The following MYRIP variants were observed in gnomAD, a reference collection of about 807,000 sequenced individuals.
MYRIP encodes the protein rab effector MyRIP.
A neutral mutation model predicts 98.0 loss-of-function variants in MYRIP; 49 were observed. The observed-to-expected ratio is 0.50, with a 90% CI of 0.40 to 0.63. The LOEUF (loss-of-function observed/expected upper bound fraction) is 0.63, where lower values mean the gene tolerates loss of function less well. Among genes scored for constraint, MYRIP ranks in the 30% least tolerant of loss-of-function variants. MYRIP has a pLI of 0.00. For synonymous variants in MYRIP, 404 were observed against 409.5 expected, an observed-to-expected ratio of 0.99 and a Z score of 0.16; for missense variants, 1,004 against 1,058.2, an observed-to-expected ratio of 0.95 and a Z score of 0.71.
Position 40,167,041 on chromosome 3 carries a change from A to G in MYRIP, c.648+98A>G, listed in dbSNP as rs577969587. The G allele has an allele frequency of 8.9e-6, 12 of 1,353,560 alleles. No homozygotes were observed. In the Admixed American group the frequency reaches 1.0e-4, roughly 11 times the overall value. 83.8% of individuals were successfully genotyped at this position (1,353,560 alleles called of 1,614,324 possible). A position where few individuals can be genotyped will look rare whatever the true frequency, so the allele number is the denominator to read the frequency against. On this transcript the variant is annotated intron_variant, in intron 6 of 16. Coordinates refer to ENST00000302541, the MANE Select transcript of MYRIP (RefSeq NM_015460.4). ...GTTGTCAGGAAATCAATGTCCCAGC[A>G]GCTCTGACTAGAGCAAGGCCCTCCC...
chr3:39,917,785 A>G (rs1289588587), intron 2 of MYRIP, among the ~76,000 whole-genome samples: 1 of 152,190 alleles, frequency 6.6e-6, no homozygotes, highest in Non-Finnish European at 1.5e-5. Context: ...TTCTCATGAA[A>G]AGATCTTCTT....
At chr3:40,146,107 T>C (rs924321056) in intron 3 of MYRIP, among the ~76,000 whole-genome samples, 1 of 152,192 alleles carries the variant, frequency 6.6e-6, no homozygotes, top group Non-Finnish European at 1.5e-5. Flanking sequence ...ATTGTTGTAA[T>C]TACTTAATCA....
Position 40,182,275 on chromosome 3 carries a change from T to G in MYRIP, c.929T>G (p.Val310Gly). 6.2e-7 allele frequency: 1 copy of G among 1,613,958 alleles called. No individual in the cohort carries two copies. The highest frequency in any genetic ancestry group is 1.1e-5 in the South Asian group (1 of 91,022). The change falls in exon 9 of 17, where the codon GTG becomes GGG. Residue 310 changes from valine to glycine, a missense_variant. Around this residue, in one of 3 missense-constraint regions of MYRIP, gnomAD observed 880 missense variants for 907.7 expected, o/e 0.97. Coordinates refer to ENST00000302541, the MANE Select transcript of MYRIP (RefSeq NM_015460.4). ...TGEEALKTPP[V>G]EAPSRQPRDQ... Reference sequence around the variant, plus strand: ...GAAGAAGCCCTGAAGACCCCTCCAGTGGAGGCTCCATCGAGGCAGCCAAGG... The same window carrying G: ...GAAGAAGCCCTGAAGACCCCTCCAGGGGAGGCTCCATCGAGGCAGCCAAGG...
chr3:40,236,016 G>C (rs1435669964), intron 12 of MYRIP, among the ~76,000 whole-genome samples: 3 of 152,166 alleles, frequency 2.0e-5, no homozygotes, highest in Non-Finnish European at 4.4e-5. Context: ...ACTCCTAAAA[G>C]CTATTCGCAA....
chr3:40,213,995 G>A (rs779075003), intron 11 of MYRIP, among the ~76,000 whole-genome samples: 2 of 152,012 alleles, frequency 1.3e-5, no homozygotes, highest in Admixed American at 1.3e-4. Flanking sequence ...TACATGATAC[G>A]GCAGTCTTCT....
intron 3 of MYRIP, among the ~76,000 whole-genome samples, chr3:40,135,915 A>G (rs1430208233): frequency 2.0e-5 from 3 of 152,206 alleles, no homozygotes; most frequent in African/African-American, 4.8e-5. Context: ...ACCGATACCA[A>G]CCACTGCAAA....
chr3:40,235,563 G>A (rs2125702274), intron 12 of MYRIP, among the ~76,000 whole-genome samples: 1 of 152,314 alleles, frequency 6.6e-6, no homozygotes, highest in Non-Finnish European at 1.5e-5. Context: ...GAGAAAGAAA[G>A]GAAATAAAAC....
At chr3:39,994,170 G>A (rs1946270945) in intron 2 of MYRIP, among the ~76,000 whole-genome samples, 1 of 152,248 alleles carries the variant, frequency 6.6e-6, no homozygotes, top group South Asian at 2.1e-4. Context: ...TCATCTCACT[G>A]GGGAGTGTCG....
chr3:39,927,347 G>C (rs9836964), intron 2 of MYRIP, among the ~76,000 whole-genome samples: 56,159 of 151,696 alleles, frequency 0.37, 10,703 homozygotes, highest in East Asian at 0.46. Flanking sequence ...TCTGGCTAGG[G>C]CTTCTAGTAC....
rs149756906 is a variant in MYRIP at position 39,866,232 on chromosome 3, A to G, written c.-30-34555A>G. On this transcript the variant is annotated intron_variant, in intron 1 of 16. Transcript: ENST00000302541. ...TAAAAAAAAAATCTAGCTATCAAGT[A>G]CTGTGCTGATTACCTGGGTGGTGAA... Among the ~76,000 whole-genome samples the G allele has an allele frequency of 2.0e-3, 297 of 152,268 alleles. 1 individual carries two copies. The highest frequency in any genetic ancestry group is 6.4e-3 in the African/African-American group (268 of 41,558).
At chr3:40,052,740 A>G (rs1947816890) in intron 3 of MYRIP, among the ~76,000 whole-genome samples, 1 of 152,208 alleles carries the variant, frequency 6.6e-6, no homozygotes, top group Non-Finnish European at 1.5e-5. Flanking sequence ...ATTATTTGTA[A>G]TATAAAGAAT....
In MYRIP at chr3:40,135,642, G is replaced by A. The variant is rs576792818; in HGVS notation, c.333-15406G>A. The stretch of plus-strand genomic sequence containing the variant: ...TAAGGGCAGCCAGAGAGAAAGGTCG[G>A]GTTACCCACAAAGGGAAGCCCATCA... On this transcript the variant is annotated intron_variant, in intron 3 of 16. Transcript: ENST00000302541. 4.6e-5 allele frequency among the ~76,000 whole-genome samples: 7 copies of A among 152,270 alleles called. No homozygotes were observed. In the East Asian group the frequency reaches 9.7e-4, roughly 21 times the overall value.
chr3:40,094,070 A>G (rs1004639157), intron 3 of MYRIP, among the ~76,000 whole-genome samples: 4 of 151,528 alleles, frequency 2.6e-5, no homozygotes, highest in African/African-American at 9.7e-5. Context: ...ACATGTCCCA[A>G]TTTTATTCTG....
chr3:39,979,244 T>C (rs999335061), intron 2 of MYRIP, among the ~76,000 whole-genome samples: 2 of 152,164 alleles, frequency 1.3e-5, no homozygotes, highest in Non-Finnish European at 2.9e-5. Context: ...CTCAGCCTCC[T>C]GAATAGCTGG....
At chr3:39,889,084 C>G (rs1411515237) in intron 1 of MYRIP, among the ~76,000 whole-genome samples, 1 of 151,932 alleles carries the variant, frequency 6.6e-6, no homozygotes, top group Non-Finnish European at 1.5e-5. Context: ...GTTGGTGGGA[C>G]TGTAAACTAG....
chr3:40,100,273 A>T (rs1948920086), intron 3 of MYRIP: 1 of 985,074 alleles, frequency 1.0e-6, no homozygotes, highest in East Asian at 1.1e-4. Context: ...ATTAAGCAAC[A>T]TTGACTTGTC....
intron 1 of MYRIP, among the ~76,000 whole-genome samples, chr3:39,875,036 T>C (rs1159790659): frequency 6.6e-6 from 1 of 152,210 alleles, no homozygotes; most frequent in Non-Finnish European, 1.5e-5. Context: ...ATTGGTCTAT[T>C]CAGAGATTCA....
chr3:40,075,660 T>A (rs1432776320), intron 3 of MYRIP, among the ~76,000 whole-genome samples: 1 of 152,308 alleles, frequency 6.6e-6, no homozygotes, highest in East Asian at 1.9e-4. Context: ...TCAGTAAATA[T>A]TAATTATTAT....
At chr3:40,160,647 C>T (rs1182241600) in intron 4 of MYRIP, among the ~76,000 whole-genome samples, 2 of 152,218 alleles carry the variant, frequency 1.3e-5, no homozygotes, top group African/African-American at 2.4e-5. Flanking sequence ...ATCAGCGAGA[C>T]TCCGTGGGCG....
Sources: allele counts gnomAD v4.1 joint callset (sites outside exome capture counted in the v4.1 genomes callset), GRCh38; gene constraint gnomAD v4.1.1; regional missense constraint gnomAD v4.1.1; transcripts MANE v1.5; gene names NCBI Gene and HGNC (gene_info 2026-07-23, HGNC 2026-07-21).